The following EPHA6 variants were observed in gnomAD, a reference collection of about 807,000 sequenced individuals.
EPHA6 encodes EPH receptor A6.
In EPHA6, 50 loss-of-function variants were observed where a neutral mutation model predicts 112.0. That is an observed-to-expected ratio of 0.45 (90% CI 0.36 to 0.56). The LOEUF (loss-of-function observed/expected upper bound fraction) is 0.56, where lower values mean the gene tolerates loss of function less well. Among genes scored for constraint, EPHA6 ranks in the 20% least tolerant of loss-of-function variants. EPHA6 has a pLI of 0.00. For missense variants in EPHA6, 1,280 were observed against 1,417.4 expected, an observed-to-expected ratio of 0.90 and a Z score of 1.56; for synonymous variants, 529 against 490.7, an observed-to-expected ratio of 1.08 and a Z score of -1.03.
intron 5 of EPHA6, among the ~76,000 whole-genome samples, chr3:97,303,993 T>A (rs1306618320): frequency 6.6e-6 from 1 of 152,044 alleles, no homozygotes; most frequent in East Asian, 1.9e-4. Context: ...TATTTTACTG[T>A]CTTTGTAGCA....
intron 5 of EPHA6, among the ~76,000 whole-genome samples, chr3:97,250,348 C>T (rs1008289036): frequency 1.3e-5 from 2 of 152,266 alleles, no homozygotes; most frequent in South Asian, 2.1e-4. Flanking sequence ...TAATCCTAAA[C>T]TTGATTTTGA....
chr3:97,229,371 A>G (rs2078455099), intron 4 of EPHA6, among the ~76,000 whole-genome samples: 1 of 152,032 alleles, frequency 6.6e-6, no homozygotes, highest in Non-Finnish European at 1.5e-5. Flanking sequence ...TAAGTCTTTG[A>G]TCTATATTGA....
At chr3:97,675,949 A>T (rs1159455512) in intron 14 of EPHA6, among the ~76,000 whole-genome samples, 1 of 152,202 alleles carries the variant, frequency 6.6e-6, no homozygotes, top group Non-Finnish European at 1.5e-5. Flanking sequence ...GATGTGAGAG[A>T]AAATAGGCAT....
chr3:96,991,822 C>G (rs556908180), intron 3 of EPHA6, among the ~76,000 whole-genome samples: 1 of 152,268 alleles, frequency 6.6e-6, no homozygotes, highest in East Asian at 1.9e-4. Context: ...TGGTTCCTTA[C>G]ACACACAACA....
intron 5 of EPHA6, among the ~76,000 whole-genome samples, chr3:97,397,404 A>C (rs1031719845): frequency 1.3e-5 from 2 of 151,662 alleles, no homozygotes; most frequent in African/African-American, 4.8e-5. Flanking sequence ...CTGGATTATT[A>C]AGAAAGAAAT....
chr3:97,546,247 T>G (rs553102473), intron 11 of EPHA6, among the ~76,000 whole-genome samples: 1 of 152,358 alleles, frequency 6.6e-6, no homozygotes, highest in East Asian at 1.9e-4. Flanking sequence ...GGAGCTCTTT[T>G]AGGGCAGGCC....
chr3:96,954,438 T>A (rs1444733453), intron 2 of EPHA6, among the ~76,000 whole-genome samples: 1 of 152,200 alleles, frequency 6.6e-6, no homozygotes, highest in Non-Finnish European at 1.5e-5. Flanking sequence ...CCTTGCTGTT[T>A]ATCATATAAG....
intron 14 of EPHA6, among the ~76,000 whole-genome samples, chr3:97,682,467 C>A (rs952103525): frequency 1.3e-5 from 2 of 152,028 alleles, no homozygotes; most frequent in African/African-American, 4.8e-5. Flanking sequence ...ATATAATTGA[C>A]CCTTCTACCT....
At chr3:97,678,072 T>A (rs1325139736) in intron 14 of EPHA6, among the ~76,000 whole-genome samples, 1 of 152,050 alleles carries the variant, frequency 6.6e-6, no homozygotes, top group African/African-American at 2.4e-5. Flanking sequence ...GGGACTGTAG[T>A]CAGAAACAAA....
intron 7 of EPHA6, among the ~76,000 whole-genome samples, chr3:97,465,817 T>A (rs1308209428): frequency 6.6e-6 from 1 of 152,048 alleles, no homozygotes. Flanking sequence ...CCATAAACTG[T>A]GAAAATTCAC....
intron 5 of EPHA6, among the ~76,000 whole-genome samples, chr3:97,295,612 CT>C (rs1020880205): frequency 2.0e-5 from 3 of 149,002 alleles, no homozygotes; most frequent in South Asian, 2.1e-4. Context: ...TAAACATTTC[CT>C]TTTTTTTAAT....
chr3:97,740,185 C>T (rs1464571712), intron 16 of EPHA6, among the ~76,000 whole-genome samples: 1 of 152,108 alleles, frequency 6.6e-6, no homozygotes, highest in East Asian at 1.9e-4. Context: ...CACATTTATT[C>T]TGCATTGTCT....
intron 5 of EPHA6, among the ~76,000 whole-genome samples, chr3:97,307,857 C>G: frequency 6.6e-6 from 1 of 151,690 alleles, no homozygotes; most frequent in Non-Finnish European, 1.5e-5. Context: ...CAAACTATCT[C>G]TCTCTACCAA....
At chr3:97,173,339 T>C (rs1364714913) in intron 3 of EPHA6, among the ~76,000 whole-genome samples, 1 of 151,936 alleles carries the variant, frequency 6.6e-6, no homozygotes, top group Non-Finnish European at 1.5e-5. Context: ...TGTCTGTTCA[T>C]ACAAAACATT....
chr3:97,034,821 G>A (rs964775499), intron 3 of EPHA6, among the ~76,000 whole-genome samples: 8 of 151,856 alleles, frequency 5.3e-5, no homozygotes, highest in Admixed American at 2.6e-4. Context: ...TAGAAATCAC[G>A]GGAGAGGTCC....
intron 10 of EPHA6, among the ~76,000 whole-genome samples, chr3:97,515,698 A>G (rs1304215412): frequency 1.3e-5 from 2 of 152,166 alleles, no homozygotes; most frequent in African/African-American, 2.4e-5. Context: ...TGAAACTATG[A>G]ATAACAGTAT....
chr3:96,824,157 G>A (rs1158075510), intron 1 of EPHA6, among the ~76,000 whole-genome samples: 3 of 150,858 alleles, frequency 2.0e-5, no homozygotes, highest in African/African-American at 4.9e-5. Context: ...ACTACTTTAC[G>A]ACCAGCAATC....
intron 11 of EPHA6, among the ~76,000 whole-genome samples, chr3:97,535,188 A>T (rs148019711): frequency 1.8e-3 from 273 of 152,258 alleles, no homozygotes; most frequent in Non-Finnish European, 1.7e-3. Flanking sequence ...AGTTTATTTC[A>T]CATAAGCATC....
chr3:97,262,749 A>G (rs2079544976), intron 5 of EPHA6, among the ~76,000 whole-genome samples: 1 of 152,018 alleles, frequency 6.6e-6, no homozygotes, highest in Non-Finnish European at 1.5e-5. Flanking sequence ...TTATCTGCCA[A>G]CTTAGTCATA....
Sources: gnomAD v4.1 joint callset for allele counts (sites outside exome capture counted in the v4.1 genomes callset) on GRCh38, gnomAD v4.1.1 for gene constraint, MANE v1.5 for transcripts, NCBI Gene and HGNC (gene_info 2026-07-23, HGNC 2026-07-21) for gene names.